Variants in C11orf71 observed in about 807,000 individuals in gnomAD.
C11orf71 encodes the protein uncharacterized protein C11orf71.
For synonymous variants in C11orf71, 72 were observed against 73.4 expected, an observed-to-expected ratio of 0.98 and a Z score of 0.09; for missense variants, 179 against 167.6, an observed-to-expected ratio of 1.07 and a Z score of -0.38.
chr11:114,399,988 C>A lies in C11orf71; in HGVS notation c.344G>T (p.Gly115Val), dbSNP rs373933876. Residue 115 changes from glycine to valine, a missense_variant, in exon 1 of 1, where the codon GGT becomes GTT. Transcript: ENST00000623205. ...VLQQRLIALG[G>V]VIAARISV ...AACTGAAATTCGAGCTGCGATAACA[C>A]CTCCTAATGCAATCAAACGCTGTTG... 10 of 1,606,640 alleles carry A rather than the reference C, an allele frequency of 6.2e-6. No homozygotes were observed. Among genetic ancestry groups the A allele is most frequent in the Non-Finnish European group, 8.5e-6 (10 of 1,174,046 alleles).
At chr11:114,398,336 CTCAAG>C (rs1480095050), downstream of C11orf71, among the ~76,000 whole-genome samples, 1 of 152,068 alleles carries the variant, frequency 6.6e-6, no homozygotes, top group African/African-American at 2.4e-5. Flanking sequence ...AAAATAGTTA[CTCAAG>C]TCATTTTTTT....
chr11:114,394,267 C>CTTT (rs778115460), downstream of C11orf71, among the ~76,000 whole-genome samples: 2 of 63,216 alleles, frequency 3.2e-5, no homozygotes, highest in Non-Finnish European at 5.4e-5. Flanking sequence ...CTTTTCTTTT[C>CTTT]TTTTCTTTTC....
chr11:114,391,990 G>T (rs1946076699), intron 1 of C11orf71, among the ~76,000 whole-genome samples: 1 of 151,886 alleles, frequency 6.6e-6, no homozygotes, highest in Non-Finnish European at 1.5e-5. Flanking sequence ...AGGAATAAGT[G>T]ATGTGGGCAG....
downstream of C11orf71, among the ~76,000 whole-genome samples, chr11:114,397,591 A>T (rs1172739676): frequency 6.6e-6 from 1 of 152,178 alleles, no homozygotes; most frequent in Non-Finnish European, 1.5e-5. Flanking sequence ...CTATTATTCA[A>T]CCAAAGCCCT....
At position 114,398,919 on chromosome 11, in the gene C11orf71, C is replaced by T. The variant is rs549965352; in HGVS notation, c.*1041G>A. 1 of 152,154 alleles carries T rather than the reference C, an allele frequency of 6.6e-6. No homozygotes were observed. Among genetic ancestry groups the T allele is most frequent in the African/African-American group, 2.4e-5 (1 of 41,524 alleles). The allele number at this position is 152,154 out of a possible 1,614,324, so 9.4% of individuals were successfully genotyped here. ...TGCTTATATAAAGAGCTGGCACTTA[C>T]AAAACCCATTAACTTTCTCAAAATA... On this transcript the variant is annotated 3_prime_UTR_variant, in exon 1 of 1. Transcript: ENST00000623205.
downstream of C11orf71, among the ~76,000 whole-genome samples, chr11:114,396,198 C>T (rs1946129725): frequency 6.6e-6 from 1 of 152,222 alleles, no homozygotes; most frequent in Non-Finnish European, 1.5e-5. Context: ...AGAAGAGAGG[C>T]TCCCCAGGAA....
chr11:114,398,092 A>T (rs2135342754), downstream of C11orf71, among the ~76,000 whole-genome samples: 1 of 152,252 alleles, frequency 6.6e-6, no homozygotes, highest in South Asian at 2.1e-4. Context: ...TTACCTTTTG[A>T]GGTGGTATTT....
At chr11:114,394,182 TC>T (rs1565256304), downstream of C11orf71, among the ~76,000 whole-genome samples, 5 of 42,882 alleles carry the variant, frequency 1.2e-4, no homozygotes, top group African/African-American at 5.2e-4. Flanking sequence ...GGGTTTCGTT[TC>T]TTTTCTTTTC....
At chr11:114,394,188 C>CTTTTCTTTTCTT (rs1565256330), downstream of C11orf71, among the ~76,000 whole-genome samples, 6 of 47,466 alleles carry the variant, frequency 1.3e-4, no homozygotes, top group Non-Finnish European at 1.6e-4. Context: ...CGTTTCTTTT[C>CTTTTCTTTTCTT]TTTTCTTTTC....
chr11:114,391,692 A>G, intron 1 of C11orf71: 1 of 1,108,250 alleles, frequency 9.0e-7, no homozygotes, highest in South Asian at 1.7e-5. Context: ...GGATGAGTAT[A>G]AGATGGCAGG....
At chr11:114,394,203 CTT>C (rs1162918308), downstream of C11orf71, among the ~76,000 whole-genome samples, 4 of 49,222 alleles carry the variant, frequency 8.1e-5, no homozygotes, top group Non-Finnish European at 1.4e-4. Context: ...CTTTTCTTTT[CTT>C]TTCTTTTCTT....
downstream of C11orf71, among the ~76,000 whole-genome samples, chr11:114,394,220 TTTCTTTTCTTTCTTTTC>T (rs1448269491): frequency 1.9e-5 from 1 of 52,794 alleles, no homozygotes; most frequent in East Asian, 6.2e-4. Context: ...TTTCTTTTCT[TTTCTTTTCTTTCTTTTC>T]TTTTCTTTTC....
chr11:114,391,652 G>A (rs1946073280), exon 2 of C11orf71: 2 of 1,469,194 alleles, frequency 1.4e-6, no homozygotes, highest in African/African-American at 2.8e-5. Context: ...ATAGCTTCAG[G>A]GTCCAGGTAG....
At chr11:114,394,257 C>CTTTTCTTTTCTTTT (rs1565256652), downstream of C11orf71, among the ~76,000 whole-genome samples, 1 of 65,514 alleles carries the variant, frequency 1.5e-5, no homozygotes, top group East Asian at 5.1e-4. Context: ...CTTTTCTTTT[C>CTTTTCTTTTCTTTT]TTTTCTTTTC....
downstream of C11orf71, among the ~76,000 whole-genome samples, chr11:114,397,137 A>G (rs147153397): frequency 6.6e-6 from 1 of 152,328 alleles, no homozygotes; most frequent in East Asian, 1.9e-4. Context: ...TTAGTATGAT[A>G]TAAGAAGTAG....
downstream of C11orf71, among the ~76,000 whole-genome samples, chr11:114,394,218 CT>C (rs1224127229): frequency 0.11 from 5,814 of 53,954 alleles, 277 homozygotes; most frequent in South Asian, 0.15. Context: ...CTTTTCTTTT[CT>C]TTTCTTTTCT....
At position 114,399,902 on chromosome 11, in the gene C11orf71, A is replaced by C; in HGVS notation, c.*58T>G. On this transcript the variant is annotated 3_prime_UTR_variant, in exon 1 of 1. Coordinates refer to ENST00000623205, the MANE Select transcript of C11orf71 (RefSeq NM_001271562.2). ...CAACACGATTGCTGCTACACCAAGA[A>C]AGGATTTTAAAAAGGCCTGTTCACA... The C allele has an allele frequency of 6.6e-7, 1 of 1,509,900 alleles. No individual in the cohort carries two copies. The highest frequency in any genetic ancestry group is 8.8e-7 in the Non-Finnish European group (1 of 1,131,628). The allele number at this position is 1,509,900 out of a possible 1,614,324, so 93.5% of individuals were successfully genotyped here.
chr11:114,399,939 G>T lies in C11orf71; in HGVS notation c.*21C>A, dbSNP rs768060118. ...AAGGCCTGTTCACAAGCTAAGTGAG[G>T]GCCAGAGGAAAGGTGTTCGTTTAAA... is the stretch of plus-strand genomic sequence containing the variant. On this transcript the variant is annotated 3_prime_UTR_variant, in exon 1 of 1. Coordinates refer to ENST00000623205, the MANE Select transcript of C11orf71 (RefSeq NM_001271562.2). The T allele has an allele frequency of 6.4e-7, 1 of 1,573,168 alleles. No homozygotes were observed. The highest frequency in any genetic ancestry group is 1.2e-5 in the South Asian group (1 of 86,656).
In C11orf71 at chr11:114,400,347, G is replaced by A. The variant is rs900119686; in HGVS notation, c.-16C>T. The A allele has an allele frequency of 4.4e-6, 7 of 1,586,210 alleles. No individual in the cohort carries two copies. In the African/African-American group the frequency reaches 8.1e-5, roughly 18 times the overall value. On this transcript the variant is annotated 5_prime_UTR_variant, in exon 1 of 1. Transcript: ENST00000623205. ...TCAGGGCCATATTCAAACACTGCCC[G>A]CAGTACTTGCGTTACGTCCCTTTGT... is the stretch of plus-strand genomic sequence containing the variant.
Sources: allele counts gnomAD v4.1 joint callset (sites outside exome capture counted in the v4.1 genomes callset), GRCh38; gene constraint gnomAD v4.1.1; transcripts MANE v1.5; gene names NCBI Gene and HGNC (gene_info 2026-07-23, HGNC 2026-07-21).